TMEM60: variants seen among roughly 807,000 people sequenced by gnomAD.
The protein encoded by TMEM60 is transmembrane protein 60.
TMEM60 carries 4 observed loss-of-function variants against 10.7 expected under a neutral mutation model. The observed-to-expected ratio is 0.37, with a 90% CI of 0.18 to 0.86. The LOEUF is 0.86. Among genes scored for constraint, TMEM60 ranks in the 40% least tolerant of loss-of-function variants. The probability of loss-of-function intolerance (pLI) is 0.43; values close to 1 mark genes in which losing one functional copy is unlikely to be tolerated. For synonymous variants in TMEM60, 56 were observed against 58.1 expected (o/e 0.96, Z 0.17); for missense variants, 128 against 153.4 (o/e 0.83, Z 0.88).
Position 77,793,867 on chromosome 7 carries a change from G to A in TMEM60, c.*105C>T. 1.6e-6 allele frequency: 2 copies of A among 1,262,660 alleles called. No individual in the cohort carries two copies. Among genetic ancestry groups the A allele is most frequent in the Non-Finnish European group, 2.1e-6 (2 of 946,752 alleles). 78.2% of individuals were successfully genotyped at this position (1,262,660 alleles called of 1,614,324 possible). A position where few individuals can be genotyped will look rare whatever the true frequency, so the allele number is the denominator to read the frequency against. On this transcript the variant is annotated 3_prime_UTR_variant, in exon 2 of 2. Coordinates refer to ENST00000257663, the MANE Select transcript of TMEM60 (RefSeq NM_032936.4). ...ATGGAAGTAGTATAAAACTACATTT[G>A]GTATTTTCCCTCAGTTCTCTGGTAT...
intron 1 of TMEM60, among the ~76,000 whole-genome samples, chr7:77,795,093 G>A (rs1002526919): frequency 9.9e-5 from 15 of 152,224 alleles, no homozygotes; most frequent in Non-Finnish European, 2.2e-4. Flanking sequence ...GGTCGAGGCC[G>A]CAGTGAGTGC....
At position 77,793,942 on chromosome 7, in the gene TMEM60, G is replaced by T. The variant is rs372349517; in HGVS notation, c.*30C>A. The stretch of plus-strand genomic sequence containing the variant: ...CACTTTAATGGTAACTTGTTGAACA[G>T]CAATAGAAAGGAGATGATGTACTTA... On this transcript the variant is annotated 3_prime_UTR_variant, in exon 2 of 2. Transcript: ENST00000257663. 1.1e-5 allele frequency: 16 copies of T among 1,516,150 alleles called. No homozygotes were observed. Among genetic ancestry groups the T allele is most frequent in the Non-Finnish European group, 1.4e-5 (16 of 1,135,798 alleles). 93.9% of individuals were successfully genotyped at this position (1,516,150 alleles called of 1,614,324 possible).
chr7:77,794,101 G>A lies in TMEM60; in HGVS notation c.273C>T (p.Cys91=), dbSNP rs1233415533. The A allele has an allele frequency of 6.2e-7, 1 of 1,614,150 alleles. No homozygotes were observed. The highest frequency in any genetic ancestry group is 1.3e-5 in the African/African-American group (1 of 75,038). ...LIAMLLKLAF[C]LALCAKLEQF... Reference sequence around the variant, plus strand: ...GTTCCAGTTTAGCACAGAGTGCGAGGCAGAAGGCTAATTTAAGTAACATTG... The same window carrying A: ...GTTCCAGTTTAGCACAGAGTGCGAGACAGAAGGCTAATTTAAGTAACATTG... Residue 91 remains cysteine (C), a synonymous_variant, in exon 2 of 2, where the codon TGC becomes TGT. Transcript: ENST00000257663.
chr7:77,797,054 T>G (rs1792185960), intron 1 of TMEM60, among the ~76,000 whole-genome samples: 1 of 152,190 alleles, frequency 6.6e-6, no homozygotes, highest in Non-Finnish European at 1.5e-5. Context: ...CTGTGTTGGT[T>G]TCCTTTCCCG....
At chr7:77,795,914 ATCTAC>A (rs1010729319) in intron 1 of TMEM60, among the ~76,000 whole-genome samples, 4 of 151,784 alleles carry the variant, frequency 2.6e-5, no homozygotes, top group South Asian at 4.1e-4. Context: ...AAGGCCTAGT[ATCTAC>A]TCGTTGTTCT....
chr7:77,794,266 G>C lies in TMEM60; in HGVS notation c.108C>G (p.Phe36Leu), dbSNP rs1407177696. The change falls in exon 2 of 2, where the codon TTC becomes TTG. Residue 36 changes from phenylalanine to leucine, a missense_variant. By Grantham distance (22) the Phe-to-Leu change is conservative. Transcript: ENST00000257663. ...KLDEKAPWNW[F>L]LIFIPVWIFD... is the part of the protein sequence containing the mutation. ...ATATCCAGACTGGAATGAATATGAG[G>C]AACCAGTTCCAAGGTGCTTTCTCAT... 6 of 1,613,748 alleles carry C rather than the reference G, an allele frequency of 3.7e-6. No homozygotes were observed. Among genetic ancestry groups the C allele is most frequent in the South Asian group, 3.3e-5 (3 of 90,962 alleles).
chr7:77,795,926 T>C (rs182185444), intron 1 of TMEM60, among the ~76,000 whole-genome samples: 341 of 151,356 alleles, frequency 2.3e-3, no homozygotes, highest in Non-Finnish European at 3.7e-3. Context: ...CTACTCGTTG[T>C]TCTCTTTTCT....
intron 1 of TMEM60, among the ~76,000 whole-genome samples, chr7:77,797,121 G>C (rs1389703146): frequency 1.3e-5 from 2 of 152,082 alleles, no homozygotes; most frequent in Admixed American, 6.6e-5. Context: ...GGGTTGGAGG[G>C]GTGTGTGTTG....
intron 1 of TMEM60, among the ~76,000 whole-genome samples, chr7:77,796,284 A>C (rs1430069398): frequency 6.6e-6 from 1 of 152,178 alleles, no homozygotes; most frequent in Non-Finnish European, 1.5e-5. Flanking sequence ...TTTCAATGCT[A>C]AATTTGCTGA....
chr7:77,797,614 C>T (rs1278107706), intron 1 of TMEM60, among the ~76,000 whole-genome samples: 1 of 152,208 alleles, frequency 6.6e-6, no homozygotes, highest in Non-Finnish European at 1.5e-5. Context: ...ATGTGCTCAA[C>T]TAAAATGTTT....
chr7:77,798,103 T>G (rs959835870), intron 1 of TMEM60, among the ~76,000 whole-genome samples, 151 bp downstream of exon 1: 2 of 152,136 alleles, frequency 1.3e-5, no homozygotes, highest in African/African-American at 2.4e-5. Context: ...CGGTTCCTGC[T>G]GGATGCGCAC....
chr7:77,797,735 G>GCCCCAC (rs963941111), intron 1 of TMEM60, among the ~76,000 whole-genome samples: 2 of 152,124 alleles, frequency 1.3e-5, no homozygotes, highest in Admixed American at 6.5e-5. Flanking sequence ...CATATATAGA[G>GCCCCAC]CCCCACCCAC....
intron 1 of TMEM60, among the ~76,000 whole-genome samples, chr7:77,794,853 A>G (rs1393163721): frequency 2.0e-5 from 3 of 152,142 alleles, no homozygotes; most frequent in Middle Eastern, 3.2e-3. Flanking sequence ...GAGAAGAGAG[A>G]GAGTTTTAAA....
At chr7:77,796,248 A>AT (rs1408911012) in intron 1 of TMEM60, among the ~76,000 whole-genome samples, 4 of 152,116 alleles carry the variant, frequency 2.6e-5, no homozygotes, top group Non-Finnish European at 5.9e-5. Flanking sequence ...CTTTTCTAGA[A>AT]TATTTTCTAT....
Position 77,794,007 on chromosome 7 carries a change from C to G in TMEM60, c.367G>C (p.Glu123Gln). ...LWALLAGALTELGYNVFFVRD is the reference protein window; with the variant it reads ...LWALLAGALTQLGYNVFFVRD Reference sequence around the variant, plus strand: ...ACAAAAAAGACATTATATCCGAGTTCTGTTAAAGCCCCAGCCAGCAAGGCC... The same window carrying G: ...ACAAAAAAGACATTATATCCGAGTTGTGTTAAAGCCCCAGCCAGCAAGGCC... Residue 123 changes from glutamate (E) to glutamine (Q), a missense_variant, in exon 2 of 2, where the codon GAA (glutamate) becomes CAA (glutamine). Glu to Gln is a conservative substitution (Grantham distance 29). Transcript: ENST00000257663. 6.3e-7 allele frequency: 1 copy of G among 1,587,774 alleles called. No homozygotes were observed. Among genetic ancestry groups the G allele is most frequent in the African/African-American group, 1.4e-5 (1 of 73,300 alleles).
chr7:77,796,943 C>G (rs1038210043), intron 1 of TMEM60, among the ~76,000 whole-genome samples: 1 of 152,202 alleles, frequency 6.6e-6, no homozygotes, highest in Admixed American at 6.5e-5. Context: ...TCTCCTAACT[C>G]ACCTCTTTTC....
Position 77,793,814 on chromosome 7 carries a change from G to T in TMEM60, c.*158C>A, listed in dbSNP as rs1490841414. On this transcript the variant is annotated 3_prime_UTR_variant, in exon 2 of 2. Coordinates refer to ENST00000257663, the MANE Select transcript of TMEM60 (RefSeq NM_032936.4). ...GAATAATTAAGCTGTAGGTTGACTA[G>T]AAGTCCGTGATTCACCAATCCTGTT... 3 of 721,158 alleles carry T rather than the reference G, an allele frequency of 4.2e-6. No homozygotes were observed. Among genetic ancestry groups the T allele is most frequent in the African/African-American group, 1.8e-5 (1 of 54,586 alleles). 44.7% of individuals were successfully genotyped at this position (721,158 alleles called of 1,614,324 possible). A position where few individuals can be genotyped will look rare whatever the true frequency, so the allele number is the denominator to read the frequency against.
Position 77,798,383 on chromosome 7 carries a change from A to T in TMEM60, c.-180T>A, listed in dbSNP as rs1221931273. 5 of 152,186 alleles carry T rather than the reference A, an allele frequency of 3.3e-5. No homozygotes were observed. Among genetic ancestry groups the T allele is most frequent in the Non-Finnish European group, 7.3e-5 (5 of 68,080 alleles). The allele number at this position is 152,186 out of a possible 1,614,324, so 9.4% of individuals were successfully genotyped here. A position where few individuals can be genotyped will look rare whatever the true frequency, so the allele number is the denominator to read the frequency against. On this transcript the variant is annotated 5_prime_UTR_variant, in exon 1 of 2. Coordinates refer to ENST00000257663, the MANE Select transcript of TMEM60 (RefSeq NM_032936.4). ...AACCCGTCACATGATAATTAAGAAA[A>T]AACTTCAGTTCCGCCTCCTCAAACG...
chr7:77,794,468 A>G, intron 1 of TMEM60, 45 bp from the exon 2 acceptor site: 1 of 1,302,964 alleles, frequency 7.7e-7, no homozygotes, highest in South Asian at 2.0e-5. Context: ...TACCAGAAAA[A>G]AAGTATCACT....
Sources: gnomAD v4.1 joint callset for allele counts (sites outside exome capture counted in the v4.1 genomes callset) on GRCh38, gnomAD v4.1.1 for gene constraint, MANE v1.5 for transcripts, NCBI Gene and HGNC (gene_info 2026-07-23, HGNC 2026-07-21) for gene names.